The following RPH3A variants were observed in gnomAD, a reference collection of about 807,000 sequenced individuals.
The protein encoded by RPH3A is rabphilin-3A.
A neutral mutation model predicts 102.2 loss-of-function variants in RPH3A; 48 were observed. The observed-to-expected ratio is 0.47, with a 90% CI of 0.37 to 0.60. The LOEUF (loss-of-function observed/expected upper bound fraction) is 0.60. RPH3A is among the 20% of genes least tolerant of loss of function. RPH3A has a pLI of 0.00. For missense variants in RPH3A, 781 were observed against 910.1 expected (o/e 0.86, Z 1.83); for synonymous variants, 310 against 324.3 (o/e 0.96, Z 0.47).
intron 19 of RPH3A, 35 bp downstream of exon 19, chr12:112,891,038 G>A (rs1162636853): frequency 2.5e-6 from 4 of 1,612,008 alleles, no homozygotes; most frequent in South Asian, 2.2e-5. Context: ...GGTGGGCCCT[G>A]AAGGAGTCCT....
chr12:112,596,377 C>A (rs1451562357), intron 1 of RPH3A, among the ~76,000 whole-genome samples: 2 of 152,176 alleles, frequency 1.3e-5, no homozygotes, highest in African/African-American at 4.8e-5. Flanking sequence ...TTACAATTAA[C>A]TTTTGTGTAT....
At chr12:112,744,238 G>A (rs924533909) in intron 1 of RPH3A, among the ~76,000 whole-genome samples, 1 of 152,082 alleles carries the variant, frequency 6.6e-6, no homozygotes, top group Non-Finnish European at 1.5e-5. Flanking sequence ...ACCATGCCTG[G>A]CTAATTTTTG....
At chr12:112,649,527 G>A (rs752649688) in intron 1 of RPH3A, 2 of 152,118 alleles carry the variant, frequency 1.3e-5, no homozygotes, top group Non-Finnish European at 2.9e-5. Flanking sequence ...CAGGACTTGT[G>A]TATTCTTATC....
At chr12:112,774,755 C>T (rs766449763) in intron 1 of RPH3A, among the ~76,000 whole-genome samples, 1 of 150,700 alleles carries the variant, frequency 6.6e-6, no homozygotes, top group Non-Finnish European at 1.5e-5. Context: ...GGGAGGGGAA[C>T]AACACACACT....
Position 112,850,326 on chromosome 12 carries a change from GT to G in RPH3A, c.230+2494del, listed in dbSNP as rs373343615. Among the ~76,000 whole-genome samples the G allele has an allele frequency of 1.3e-3, 188 of 147,548 alleles. 1 individual carries two copies. The highest frequency in any genetic ancestry group is 2.1e-3 in the African/African-American group (85 of 40,348). On this transcript the variant is annotated intron_variant, in intron 5 of 21. Transcript: ENST00000389385. ...AATGGCAATTATTTAATGGTGAGGTGTTTTTTTTTTAATGAGAAAGCTGATT... is the reference window on the plus strand; with the variant it reads ...AATGGCAATTATTTAATGGTGAGGTGTTTTTTTTTAATGAGAAAGCTGATT...
chr12:112,772,323 G>C (rs1254952429), intron 1 of RPH3A, among the ~76,000 whole-genome samples: 2 of 152,132 alleles, frequency 1.3e-5, no homozygotes, highest in Non-Finnish European at 2.9e-5. Context: ...TTTACATTTA[G>C]GGCAGCACTG....
chr12:112,730,713 C>T (rs1251544176), intron 1 of RPH3A, among the ~76,000 whole-genome samples: 4 of 152,210 alleles, frequency 2.6e-5, no homozygotes, highest in African/African-American at 9.7e-5. Flanking sequence ...TTCTCATCTA[C>T]AACCCGTGAA....
chr12:112,757,681 C>T (rs2040830347), intron 1 of RPH3A, among the ~76,000 whole-genome samples: 1 of 152,166 alleles, frequency 6.6e-6, no homozygotes, highest in Non-Finnish European at 1.5e-5. Context: ...AGGCATAAAA[C>T]TGTACAGAAC....
intron 1 of RPH3A, among the ~76,000 whole-genome samples, chr12:112,783,787 A>G (rs1402132691): frequency 6.6e-6 from 1 of 152,198 alleles, no homozygotes; most frequent in Non-Finnish European, 1.5e-5. Flanking sequence ...ACTCAAAGCC[A>G]GCTCCCTCTC....
intron 19 of RPH3A, among the ~76,000 whole-genome samples, chr12:112,892,650 G>A (rs115076850): frequency 0.026 from 3,887 of 152,270 alleles, 112 homozygotes; most frequent in African/African-American, 0.069. Flanking sequence ...TTGTTCATCA[G>A]TTTTACCCCC....
rs529289793 is a variant in RPH3A, at chr12:112,651,629, A to G, written c.-140+76310A>G. 8 of 152,374 alleles carry G rather than the reference A, an allele frequency of 5.3e-5. No homozygotes were observed. The East Asian group carries it at 1.5e-3, about 29-fold the overall frequency. The allele number at this position is 152,374 out of a possible 1,614,324, so 9.4% of individuals were successfully genotyped here. ...TACCATTCTCACCATTTTAAAATATACAATTGAGTAGCATTAAGGACATTC... is the reference window on the plus strand; with the variant it reads ...TACCATTCTCACCATTTTAAAATATGCAATTGAGTAGCATTAAGGACATTC... On this transcript the variant is annotated intron_variant, in intron 1 of 21. Transcript: ENST00000543106.
intron 1 of RPH3A, among the ~76,000 whole-genome samples, chr12:112,672,639 C>T (rs2040141987): frequency 1.3e-5 from 2 of 152,176 alleles, no homozygotes; most frequent in South Asian, 4.1e-4. Flanking sequence ...GGCTGTCCTC[C>T]CTGTGGGCTT....
At chr12:112,628,426 G>A (rs549039254) in intron 1 of RPH3A, among the ~76,000 whole-genome samples, 2 of 151,806 alleles carry the variant, frequency 1.3e-5, no homozygotes, top group African/African-American at 2.4e-5. Flanking sequence ...GCCACTCTGG[G>A]ACTTTGGTTG....
chr12:112,850,068 G>A (rs148776450), intron 5 of RPH3A, among the ~76,000 whole-genome samples: 6 of 152,260 alleles, frequency 3.9e-5, no homozygotes, highest in African/African-American at 1.4e-4. Flanking sequence ...GTGACATGGT[G>A]GCAGAGCATT....
At chr12:112,619,941 G>A (rs570567310) in intron 1 of RPH3A, among the ~76,000 whole-genome samples, 1 of 152,220 alleles carries the variant, frequency 6.6e-6, no homozygotes, top group Admixed American at 6.5e-5. Flanking sequence ...AACCCAAACT[G>A]GCACAAGCTA....
chr12:112,809,138 G>C (rs2041523786), intron 2 of RPH3A, among the ~76,000 whole-genome samples: 1 of 152,122 alleles, frequency 6.6e-6, no homozygotes, highest in African/African-American at 2.4e-5. Flanking sequence ...TCTGTATAAT[G>C]GACCCTAAAC....
chr12:112,606,646 T>G (rs943460202), intron 1 of RPH3A, among the ~76,000 whole-genome samples: 5 of 152,142 alleles, frequency 3.3e-5, no homozygotes, highest in Non-Finnish European at 7.3e-5. Flanking sequence ...TTGGCTAGAA[T>G]TCTGCAGGCT....
chr12:112,618,196 G>A (rs1003304589), intron 1 of RPH3A, among the ~76,000 whole-genome samples: 1 of 152,148 alleles, frequency 6.6e-6, no homozygotes, highest in Non-Finnish European at 1.5e-5. Context: ...CTTAGAGGAG[G>A]CAGAGGAAGA....
At chr12:112,588,399 C>G (rs887329990) in intron 1 of RPH3A, among the ~76,000 whole-genome samples, 1 of 148,438 alleles carries the variant, frequency 6.7e-6, no homozygotes. Context: ...AAAGAAAGTG[C>G]GTGCAGGGGA....
Sources: allele counts gnomAD v4.1 joint callset (sites outside exome capture counted in the v4.1 genomes callset), GRCh38; gene constraint gnomAD v4.1.1; transcripts MANE v1.5; gene names NCBI Gene and HGNC (gene_info 2026-07-23, HGNC 2026-07-21).